DYNC2I1: variants seen among roughly 807,000 people sequenced by gnomAD.
DYNC2I1 encodes dynein 2 intermediate chain 1.
DYNC2I1 carries 89 observed loss-of-function variants against 133.4 expected under a neutral mutation model. That is an observed-to-expected ratio of 0.67 (90% CI 0.56 to 0.80). The LOEUF is 0.80. Ranked by LOEUF, DYNC2I1 falls within the 30% of genes least tolerant of loss-of-function variation. The pLI is 0.00. For missense variants in DYNC2I1, 1,291 were observed against 1,314.5 expected, an observed-to-expected ratio of 0.98 and a Z score of 0.28; for synonymous variants, 504 against 484.3, an observed-to-expected ratio of 1.04 and a Z score of -0.54.
At chr7:158,853,885 TC>T (rs1405900420), upstream of DYNC2I1, among the ~76,000 whole-genome samples, 2 of 152,154 alleles carry the variant, frequency 1.3e-5, no homozygotes, top group Non-Finnish European at 2.9e-5. Context: ...ACTCCCGACC[TC>T]AGGTGATCTG....
At chr7:158,940,976 T>A (rs886230644) in intron 23 of DYNC2I1, among the ~76,000 whole-genome samples, 1 of 151,864 alleles carries the variant, frequency 6.6e-6, no homozygotes, top group Non-Finnish European at 1.5e-5. Context: ...AAAGAAATAG[T>A]AAAGTTCAGA....
chr7:158,903,888 T>C (rs1341847781), intron 10 of DYNC2I1: 3 of 152,232 alleles, frequency 2.0e-5, no homozygotes, highest in African/African-American at 7.2e-5. Flanking sequence ...TGTTATATCT[T>C]TATTAGCCTG....
intron 24 of DYNC2I1, among the ~76,000 whole-genome samples, chr7:158,942,991 T>C (rs1851522714): frequency 6.6e-6 from 1 of 152,250 alleles, no homozygotes; most frequent in African/African-American, 2.4e-5. Context: ...TCTGTTCACC[T>C]GTGTTTTTTT....
intron 23 of DYNC2I1, among the ~76,000 whole-genome samples, chr7:158,937,640 C>T (rs1226278179): frequency 1.6e-5 from 1 of 62,278 alleles, no homozygotes; most frequent in African/African-American, 5.5e-5. Flanking sequence ...AAAAAAGACA[C>T]AAGGCTGGGT....
At chr7:158,900,899 T>G (rs772917892) in intron 8 of DYNC2I1, among the ~76,000 whole-genome samples, 1 of 152,116 alleles carries the variant, frequency 6.6e-6, no homozygotes, top group Admixed American at 6.6e-5. Context: ...TTTTGTTGTT[T>G]TTGACCTCGA....
chr7:158,954,252 C>T (rs1017923195), intron 4 of DYNC2I1, among the ~76,000 whole-genome samples: 2 of 152,226 alleles, frequency 1.3e-5, no homozygotes, highest in African/African-American at 4.8e-5. Context: ...ATTACCCCGT[C>T]TCCAGTATGT....
rs1563216899 is a variant in DYNC2I1, at chr7:158,945,757, C to G, written c.3179C>G (p.Pro1060Arg). Reference sequence around the variant, plus strand: ...CTGCTTTTGCAGGAAGCCCTGTGGCCAGAGGGAAAACTGCACAAGTAGCGG... The same window carrying G: ...CTGCTTTTGCAGGAAGCCCTGTGGCGAGAGGGAAAACTGCACAAGTAGCGG... ...LRLLLQEALW[P>R]EGKLHK The change falls in exon 25 of 25, where the codon CCA becomes CGA. Residue 1060 changes from proline to arginine, a missense_variant. Pro to Arg is a moderately radical substitution (Grantham distance 103, BLOSUM62 -2). Transcript: ENST00000407559. This position sits in a 1 kb window ranked among gnomAD's most constrained non-coding sequence, Gnocchi z 4.1. 3.8e-6 allele frequency: 6 copies of G among 1,579,874 alleles called. No individual in the cohort carries two copies. The highest frequency in any genetic ancestry group is 5.2e-6 in the Non-Finnish European group (6 of 1,162,124).
At chr7:158,955,928 G>A (rs1167353321) in intron 4 of DYNC2I1, among the ~76,000 whole-genome samples, 2 of 152,208 alleles carry the variant, frequency 1.3e-5, no homozygotes, top group African/African-American at 4.8e-5. Flanking sequence ...TCGCCCCAGG[G>A]GTTGGGCGAT....
chr7:158,856,107 A>ATTTTT (rs530437470), upstream of DYNC2I1, among the ~76,000 whole-genome samples: 1 of 141,802 alleles, frequency 7.1e-6, no homozygotes. Flanking sequence ...GCGCCCAGCT[A>ATTTTT]TTTTTTTTTT....
At chr7:158,862,750 G>A (rs568270122) in intron 1 of DYNC2I1, among the ~76,000 whole-genome samples, 106 of 152,152 alleles carry the variant, frequency 7.0e-4, no homozygotes, top group African/African-American at 2.1e-3. Context: ...ACAGACCCTC[G>A]CGGCGAGTGT....
chr7:158,872,835 GAAA>G (rs958807030), intron 3 of DYNC2I1, among the ~76,000 whole-genome samples: 1 of 151,408 alleles, frequency 6.6e-6, no homozygotes, highest in East Asian at 1.9e-4. Context: ...CATCTCTACT[GAAA>G]AAAAAGAAAA....
In DYNC2I1 at chr7:158,923,690, G is replaced by A. The variant is rs979714113; in HGVS notation, c.2214G>A (p.Leu738=). The A allele has an allele frequency of 1.9e-6, 3 of 1,613,876 alleles. No individual in the cohort carries two copies. Among genetic ancestry groups the A allele is most frequent in the Non-Finnish European group, 2.5e-6 (3 of 1,179,882 alleles). ...EDSRLHYSVT[L]SDGFWTFRTA... ...CAAGGCTGCATTACTCTGTGACGCT[G>A]AGCGATGGCTTCTGGACGTTCCGGA... Residue 738 remains leucine, a synonymous_variant, in exon 17 of 25, where the codon CTG becomes CTA. Transcript: ENST00000407559.
intron 7 of DYNC2I1, among the ~76,000 whole-genome samples, chr7:158,890,201 A>G (rs1200608151): frequency 2.0e-5 from 3 of 152,108 alleles, no homozygotes; most frequent in Admixed American, 1.3e-4. Context: ...AGAAACATGA[A>G]ATTAATTTCA....
chr7:158,866,139 ATACT>A (rs1221997538), intron 1 of DYNC2I1, among the ~76,000 whole-genome samples: 4 of 152,162 alleles, frequency 2.6e-5, no homozygotes, highest in African/African-American at 9.7e-5. Context: ...GTTTTGTGAC[ATACT>A]TACTTTTCAC....
intron 11 of DYNC2I1, among the ~76,000 whole-genome samples, chr7:158,910,943 C>T (rs1440809144): frequency 1.4e-5 from 2 of 145,650 alleles, no homozygotes; most frequent in Admixed American, 7.0e-5. Flanking sequence ...CTGTGTCAGG[C>T]TTGTGGGCCA....
At chr7:158,853,641 A>G (rs1841102737), upstream of DYNC2I1, among the ~76,000 whole-genome samples, 1 of 148,258 alleles carries the variant, frequency 6.7e-6, no homozygotes, top group Non-Finnish European at 1.5e-5. Flanking sequence ...AGCCGGCTGT[A>G]TGGGAGACCA....
At chr7:158,881,631 A>G (rs112506171) in intron 5 of DYNC2I1, among the ~76,000 whole-genome samples, 3 of 151,602 alleles carry the variant, frequency 2.0e-5, no homozygotes, top group East Asian at 2.0e-4. Flanking sequence ...TTTTTTGTAT[A>G]TTTAGTAGAG....
intron 4 of DYNC2I1, among the ~76,000 whole-genome samples, chr7:158,953,043 G>A (rs760437192): frequency 2.6e-4 from 39 of 152,162 alleles, no homozygotes; most frequent in Non-Finnish European, 5.6e-4. Context: ...CGCACCCATG[G>A]GCTAACAGGA....
At chr7:158,903,864 A>G (rs1846486409) in intron 10 of DYNC2I1, 1 of 152,166 alleles carries the variant, frequency 6.6e-6, no homozygotes, top group Non-Finnish European at 1.5e-5. Context: ...CTCATTTTCA[A>G]CATTTATGCT....
Sources: allele counts gnomAD v4.1 joint callset (sites outside exome capture counted in the v4.1 genomes callset), GRCh38; gene constraint gnomAD v4.1.1; non-coding constraint Gnocchi (gnomAD v3.1); transcripts MANE v1.5; gene names NCBI Gene and HGNC (gene_info 2026-07-23, HGNC 2026-07-21).